The following SLC36A4 variants were observed in gnomAD, a reference collection of about 807,000 sequenced individuals.
The protein encoded by SLC36A4 is solute carrier family 36 member 4, also known as neutral amino acid uniporter 4.
SLC36A4 carries 49 observed loss-of-function variants against 50.5 expected under a neutral mutation model. The ratio of observed to expected loss-of-function variants is 0.97; its 90% CI spans 0.77 to 1.23. The LOEUF (loss-of-function observed/expected upper bound fraction) is 1.23. Ranked by LOEUF, SLC36A4 falls within the 50% of genes most tolerant of loss-of-function variation. SLC36A4 has a pLI of 0.00. For synonymous variants in SLC36A4, 207 were observed against 206.5 expected (o/e 1.00, Z -0.02); for missense variants, 611 against 608.4 (o/e 1.00, Z -0.05).
chr11:93,162,512 T>C (rs1860666450), intron 9 of SLC36A4, among the ~76,000 whole-genome samples, 194 bp downstream of exon 9: 1 of 152,132 alleles, frequency 6.6e-6, no homozygotes, highest in African/African-American at 2.4e-5. Flanking sequence ...TTTCATTATG[T>C]TGGCCAGGCT....
At chr11:93,172,304 T>C (rs980218194) in intron 6 of SLC36A4, among the ~76,000 whole-genome samples, 2 of 152,106 alleles carry the variant, frequency 1.3e-5, no homozygotes, top group Non-Finnish European at 2.9e-5. Context: ...TTTAGTTACA[T>C]GAGTAAGTTC....
At chr11:93,161,202 GA>G (rs1206267507) in intron 9 of SLC36A4, among the ~76,000 whole-genome samples, 1 of 152,114 alleles carries the variant, frequency 6.6e-6, no homozygotes, top group Non-Finnish European at 1.5e-5. Context: ...TACAGTATTT[GA>G]AAAGATGAAC....
intron 10 of SLC36A4, chr11:93,152,569 G>C (rs1275876808): frequency 1.3e-5 from 2 of 152,132 alleles, no homozygotes; most frequent in Non-Finnish European, 2.9e-5. Context: ...AAAGGCTGCA[G>C]TTCTCTGTGC....
chr11:93,188,404 C>T (rs937949838), intron 1 of SLC36A4, among the ~76,000 whole-genome samples: 10 of 152,158 alleles, frequency 6.6e-5, no homozygotes, highest in South Asian at 4.1e-4. Context: ...CTTCTAATAA[C>T]GTAACTAATA....
chr11:93,166,238 C>T, intron 7 of SLC36A4: 2 of 1,256,638 alleles, frequency 1.6e-6, no homozygotes, highest in African/African-American at 3.0e-5. Flanking sequence ...CCCATACATT[C>T]CATCTGAGCA....
chr11:93,176,463 T>G (rs201734257), intron 6 of SLC36A4, among the ~76,000 whole-genome samples: 5,986 of 152,114 alleles, frequency 0.039, 223 homozygotes, highest in African/African-American at 0.096. Context: ...AAGTTAATAT[T>G]GTTATGTGTG....
At chr11:93,188,405 G>A (rs537085712) in intron 1 of SLC36A4, among the ~76,000 whole-genome samples, 9 of 152,248 alleles carry the variant, frequency 5.9e-5, no homozygotes, top group Non-Finnish European at 7.4e-5. Flanking sequence ...TTCTAATAAC[G>A]TAACTAATAT....
In SLC36A4 at chr11:93,148,820, C is replaced by T. The variant is rs200976617; in HGVS notation, c.1232G>A (p.Arg411His). 28 of 1,611,168 alleles carry T rather than the reference C, an allele frequency of 1.7e-5. No individual in the cohort carries two copies. In the Middle Eastern group the frequency reaches 9.9e-4, roughly 57 times the overall value. ...ITCAGAILIP[R>H]LDIVISFVGA... is the part of the protein sequence containing the mutation. Reference sequence around the variant, plus strand: ...AACGAAGGAAATCACAATGTCTAAACGAGGAATAAGAATTGCTCCGGCACC... The same window carrying T: ...AACGAAGGAAATCACAATGTCTAAATGAGGAATAAGAATTGCTCCGGCACC... The change falls in exon 11 of 11, where the codon CGT becomes CAT. Residue 411 changes from arginine to histidine, a missense_variant. Arg to His is a conservative substitution (Grantham distance 29). Coordinates refer to ENST00000326402, the MANE Select transcript of SLC36A4 (RefSeq NM_152313.4).
In SLC36A4 at chr11:93,148,534, T is replaced by C. The variant is rs1859933264; in HGVS notation, c.*3A>G. The stretch of plus-strand genomic sequence containing the variant: ...AAATAGAAGACTCATGATTCTGCTT[T>C]TACTATTTCAAACCAGATGTTAAGC... On this transcript the variant is annotated 3_prime_UTR_variant, in exon 11 of 11. Coordinates refer to ENST00000326402, the MANE Select transcript of SLC36A4 (RefSeq NM_152313.4). The C allele has an allele frequency of 1.2e-6, 2 of 1,600,498 alleles. No homozygotes were observed. Among genetic ancestry groups the C allele is most frequent in the African/African-American group, 1.4e-5 (1 of 73,808 alleles).
At position 93,154,108 on chromosome 11, in the gene SLC36A4, A is replaced by C; in HGVS notation, c.1207T>G (p.Cys403Gly). ...GATATAAATATATAATGATACTTAC[A>C]AGTAATACTAACCAAGAAGGATCTT... The part of the protein sequence containing the change: ...GIRSFLVSIT[C>G]AGAILIPRLD... Residue 403 changes from cysteine (C) to glycine (G), a missense_variant and splice_region_variant, in exon 10 of 11, where the codon TGT becomes GGT. Cys to Gly is a radical substitution (Grantham distance 159). Coordinates refer to ENST00000326402, the MANE Select transcript of SLC36A4 (RefSeq NM_152313.4). 1 of 1,428,210 alleles carries C rather than the reference A, an allele frequency of 7.0e-7. No individual in the cohort carries two copies. Among genetic ancestry groups the C allele is most frequent in the South Asian group, 1.5e-5 (1 of 67,782 alleles). The allele number at this position is 1,428,210 out of a possible 1,614,324, so 88.5% of individuals were successfully genotyped here.
chr11:93,152,430 G>A lies in SLC36A4; in HGVS notation c.1207+1678C>T, dbSNP rs539971007. ...AAGACACAAATGAAGTTCAGGTTCA[G>A]TGTCCAGTGATGTGTCCCAATATAG... On this transcript the variant is annotated intron_variant, in intron 10 of 10. Transcript: ENST00000326402. 2.0e-5 allele frequency: 3 copies of A among 152,268 alleles called. No homozygotes were observed. The South Asian group carries it at 6.2e-4, about 32-fold the overall frequency. The allele number at this position is 152,268 out of a possible 1,614,324, so 9.4% of individuals were successfully genotyped here. A position where few individuals can be genotyped will look rare whatever the true frequency, so the allele number is the denominator to read the frequency against.
intron 1 of SLC36A4, among the ~76,000 whole-genome samples, chr11:93,187,990 T>C (rs935507824): frequency 1.3e-5 from 2 of 152,198 alleles, no homozygotes; most frequent in African/African-American, 4.8e-5. Context: ...ACAGTTTAAA[T>C]TAGACTTTCT....
chr11:93,144,239 TTC>T lies in SLC36A4; in HGVS notation c.*4296_*4297del, dbSNP rs1445750786. 5 of 152,086 alleles carry T rather than the reference TTC, an allele frequency of 3.3e-5. No homozygotes were observed. The highest frequency in any genetic ancestry group is 1.2e-4 in the African/African-American group (5 of 41,446). The allele number at this position is 152,086 out of a possible 1,614,324, so 9.4% of individuals were successfully genotyped here. A position where few individuals can be genotyped will look rare whatever the true frequency, so the allele number is the denominator to read the frequency against. On this transcript the variant is annotated 3_prime_UTR_variant, in exon 11 of 11. Transcript: ENST00000326402. ...ACACTTTAAGACAGCGTTTTTCATA[TTC>T]TGTTATAAAGAAAAATGTTAAAAGA...
chr11:93,157,222 T>C (rs958284995), intron 9 of SLC36A4, among the ~76,000 whole-genome samples: 15 of 152,316 alleles, frequency 9.8e-5, no homozygotes, highest in African/African-American at 3.6e-4. Context: ...TTTGTTCCAG[T>C]ACAATGCTGT....
intron 9 of SLC36A4, among the ~76,000 whole-genome samples, chr11:93,155,745 T>C (rs940135796): frequency 3.3e-5 from 5 of 152,018 alleles, no homozygotes; most frequent in African/African-American, 1.2e-4. Context: ...TCACCCTCAA[T>C]AGGCCCCAGT....
At chr11:93,180,775 C>G (rs1590973441) in intron 6 of SLC36A4, 22 bp downstream of exon 6, 1 of 1,550,638 alleles carries the variant, frequency 6.4e-7, no homozygotes, top group Non-Finnish European at 8.9e-7. Context: ...AATGATTTCA[C>G]TAACTGGAGA....
intron 10 of SLC36A4, chr11:93,152,274 CT>C (rs1860126503): frequency 6.6e-6 from 1 of 152,136 alleles, no homozygotes; most frequent in African/African-American, 2.4e-5. Context: ...GTCCCATCAA[CT>C]GTCTACACAC....
intron 6 of SLC36A4, among the ~76,000 whole-genome samples, chr11:93,176,545 G>A (rs573242392): frequency 0.012 from 1,868 of 151,786 alleles, 39 homozygotes; most frequent in African/African-American, 0.042. Flanking sequence ...TCCTAGTCTC[G>A]ATGGTCTTTA....
At chr11:93,159,010 T>C (rs1342016938) in intron 9 of SLC36A4, among the ~76,000 whole-genome samples, 3 of 152,098 alleles carry the variant, frequency 2.0e-5, no homozygotes, top group African/African-American at 7.2e-5. Flanking sequence ...ATCCCTTCAA[T>C]GCACTTAGTA....
Sources: allele counts gnomAD v4.1 joint callset (sites outside exome capture counted in the v4.1 genomes callset), GRCh38; gene constraint gnomAD v4.1.1; transcripts MANE v1.5; gene names NCBI Gene and HGNC (gene_info 2026-07-23, HGNC 2026-07-21).